The following LINGO2 variants were observed in gnomAD, a reference collection of about 807,000 sequenced individuals.
The protein encoded by LINGO2 is leucine rich repeat and Ig domain containing 2.
In LINGO2, 14 loss-of-function variants were observed where a neutral mutation model predicts 30.6. The ratio of observed to expected loss-of-function variants is 0.46; its 90% CI spans 0.30 to 0.72. LINGO2 has a LOEUF of 0.72. LINGO2 is among the 30% of genes least tolerant of loss of function. LINGO2 has a pLI of 0.07. For missense variants in LINGO2, 729 were observed against 751.7 expected, an observed-to-expected ratio of 0.97 and a Z score of 0.35; for synonymous variants, 317 against 288.5, an observed-to-expected ratio of 1.10 and a Z score of -1.00.
intron 1 of LINGO2, among the ~76,000 whole-genome samples, chr9:28,590,808 G>A (rs1485847614): frequency 2.6e-5 from 4 of 152,066 alleles, no homozygotes; most frequent in African/African-American, 9.7e-5. Flanking sequence ...CCATTACTGG[G>A]TATATACCCA....
chr9:28,167,751 A>C (rs553643143), intron 4 of LINGO2, among the ~76,000 whole-genome samples: 39 of 152,278 alleles, frequency 2.6e-4, no homozygotes, highest in African/African-American at 9.4e-4. Flanking sequence ...TTATGGTAGG[A>C]TAATAATTCT....
the LINGO2 span, among the ~76,000 whole-genome samples, chr9:29,160,972 T>C: frequency 6.6e-6 from 1 of 152,230 alleles, no homozygotes; most frequent in African/African-American, 2.4e-5. Flanking sequence ...TGCACAGGGC[T>C]CAGTTCAGCA....
At chr9:29,077,565 T>G in the LINGO2 span, among the ~76,000 whole-genome samples, 5 of 152,042 alleles carry the variant, frequency 3.3e-5, no homozygotes, top group Non-Finnish European at 7.4e-5. Context: ...TCTTTTGCAT[T>G]GAGCTTAAAT....
At chr9:28,663,960 T>C (rs1411429299) in intron 1 of LINGO2, among the ~76,000 whole-genome samples, 1 of 152,106 alleles carries the variant, frequency 6.6e-6, no homozygotes, top group Non-Finnish European at 1.5e-5. Flanking sequence ...AGTCCCTTAT[T>C]AAGACTGATG....
chr9:28,736,067 G>A, the LINGO2 span, among the ~76,000 whole-genome samples: 1 of 152,178 alleles, frequency 6.6e-6, no homozygotes, highest in African/African-American at 2.4e-5. Flanking sequence ...GGAAGAAGTT[G>A]TCTCAGCTTG....
At chr9:28,642,360 C>T (rs1827631774) in intron 1 of LINGO2, among the ~76,000 whole-genome samples, 1 of 152,022 alleles carries the variant, frequency 6.6e-6, no homozygotes, top group Non-Finnish European at 1.5e-5. Context: ...TGACCATTGT[C>T]CATAATCAAT....
intron 1 of LINGO2, among the ~76,000 whole-genome samples, chr9:28,555,773 G>A (rs1822636198): frequency 6.6e-6 from 1 of 151,994 alleles, no homozygotes. Flanking sequence ...ACTGAATCCA[G>A]CAGCACATCA....
At chr9:29,144,453 T>C in the LINGO2 span, among the ~76,000 whole-genome samples, 3,907 of 143,618 alleles carry the variant, frequency 0.027, 153 homozygotes, top group African/African-American at 0.092. Flanking sequence ...ATCTGGCTTA[T>C]TTTGGAAAAA....
At chr9:29,046,461 C>A in the LINGO2 span, among the ~76,000 whole-genome samples, 1 of 152,090 alleles carries the variant, frequency 6.6e-6, no homozygotes, top group Non-Finnish European at 1.5e-5. Context: ...CTACGACCAT[C>A]TGATCTTTGA....
chr9:28,753,712 G>A, the LINGO2 span, among the ~76,000 whole-genome samples: 457 of 151,078 alleles, frequency 3.0e-3, 3 homozygotes, highest in African/African-American at 0.011. Flanking sequence ...TTATCTTAAA[G>A]TTTAGAAATG....
chr9:27,975,647 T>C (rs1185522314), intron 5 of LINGO2, among the ~76,000 whole-genome samples: 1 of 152,108 alleles, frequency 6.6e-6, no homozygotes, highest in African/African-American at 2.4e-5. Context: ...TGTATATAAT[T>C]TTGACGTAAA....
the LINGO2 span, among the ~76,000 whole-genome samples, chr9:28,684,903 T>A: frequency 6.6e-6 from 1 of 151,956 alleles, no homozygotes; most frequent in Non-Finnish European, 1.5e-5. Context: ...GTTGCGTGGG[T>A]TTGATGTACA....
intron 2 of LINGO2, among the ~76,000 whole-genome samples, chr9:28,402,454 G>A (rs772532885): frequency 3.3e-5 from 5 of 152,016 alleles, no homozygotes; most frequent in African/African-American, 4.8e-5. Context: ...AAAAAACAGC[G>A]AATGACAAGT....
intron 4 of LINGO2, among the ~76,000 whole-genome samples, chr9:28,071,641 T>C (rs1025305541): frequency 6.6e-6 from 1 of 151,394 alleles, no homozygotes; most frequent in Admixed American, 6.6e-5. Flanking sequence ...AAGGTGGGTA[T>C]TGATAGGAAA....
chr9:28,197,360 C>A (rs1290654926), intron 4 of LINGO2, among the ~76,000 whole-genome samples: 1 of 151,712 alleles, frequency 6.6e-6, no homozygotes, highest in East Asian at 1.9e-4. Flanking sequence ...GCTAAAATAT[C>A]TTAAACAGTG....
intron 4 of LINGO2, among the ~76,000 whole-genome samples, chr9:28,265,664 TATG>T (rs1272740269): frequency 1.3e-5 from 2 of 151,934 alleles, no homozygotes; most frequent in Non-Finnish European, 2.9e-5. Flanking sequence ...TTAAAGCAAA[TATG>T]ATAAAATGTT....
chr9:28,841,219 T>C, the LINGO2 span, among the ~76,000 whole-genome samples: 2 of 151,778 alleles, frequency 1.3e-5, no homozygotes, highest in African/African-American at 4.9e-5. Flanking sequence ...GACTCATATG[T>C]ATATGTACAT....
the LINGO2 span, among the ~76,000 whole-genome samples, chr9:28,731,042 G>C: frequency 5.3e-5 from 8 of 151,814 alleles, no homozygotes; most frequent in Non-Finnish European, 8.8e-5. Flanking sequence ...CCAGGCTGGA[G>C]GGCAATGGCA....
At chr9:29,206,570 A>G in the LINGO2 span, among the ~76,000 whole-genome samples, 2 of 152,120 alleles carry the variant, frequency 1.3e-5, no homozygotes, top group African/African-American at 4.8e-5. Context: ...CTCCCCCTGC[A>G]TGAATCTTTT....
Sources: allele counts gnomAD v4.1 joint callset (sites outside exome capture counted in the v4.1 genomes callset), GRCh38; gene constraint gnomAD v4.1.1; transcripts MANE v1.5; gene names NCBI Gene and HGNC (gene_info 2026-07-23, HGNC 2026-07-21).